Variants in MAP3K20 observed in about 807,000 individuals in gnomAD.
MAP3K20 encodes mitogen-activated protein kinase kinase kinase 20.
In MAP3K20, 40 loss-of-function variants were observed where a neutral mutation model predicts 85.7. That is an observed-to-expected ratio of 0.47 (90% CI 0.36 to 0.61). MAP3K20 has a LOEUF of 0.61. Among genes scored for constraint, MAP3K20 ranks in the 20% least tolerant of loss-of-function variants. The pLI, the probability that MAP3K20 is intolerant of heterozygous loss-of-function variation, is 0.00. For synonymous variants in MAP3K20, 325 were observed against 327.7 expected, an observed-to-expected ratio of 0.99 and a Z score of 0.09; for missense variants, 817 against 961.7, an observed-to-expected ratio of 0.85 and a Z score of 1.99.
At chr2:173,202,817 C>G (rs1370335492) in intron 8 of MAP3K20, among the ~76,000 whole-genome samples, 1 of 152,120 alleles carries the variant, frequency 6.6e-6, no homozygotes, top group African/African-American at 2.4e-5. Context: ...TGTCAGAAAT[C>G]ATGATAAAGT....
intron 2 of MAP3K20, among the ~76,000 whole-genome samples, chr2:173,127,251 C>G (rs548730197): frequency 2.0e-5 from 3 of 152,304 alleles, no homozygotes; most frequent in African/African-American, 7.2e-5. Flanking sequence ...CACTCCATTT[C>G]CTCTTCATTT....
chr2:173,220,180 A>G (rs919849901), intron 11 of MAP3K20, among the ~76,000 whole-genome samples: 1 of 152,206 alleles, frequency 6.6e-6, no homozygotes, highest in African/African-American at 2.4e-5. Context: ...AACTATGCCA[A>G]AAACATAAGC....
chr2:173,120,517 G>A (rs1003295029), intron 2 of MAP3K20, among the ~76,000 whole-genome samples: 2 of 151,378 alleles, frequency 1.3e-5, no homozygotes, highest in Admixed American at 1.3e-4. Context: ...ACCTAGAATA[G>A]CCAGTGGCAG....
At chr2:173,213,760 A>G (rs896292762) in intron 10 of MAP3K20, among the ~76,000 whole-genome samples, 1 of 152,222 alleles carries the variant, frequency 6.6e-6, no homozygotes. Context: ...TCTCATTAGC[A>G]TGCAATATTC....
intron 2 of MAP3K20, among the ~76,000 whole-genome samples, chr2:173,152,857 A>G (rs1263215631): frequency 6.6e-6 from 1 of 151,952 alleles, no homozygotes; most frequent in Non-Finnish European, 1.5e-5. Flanking sequence ...TCCCAAGAAT[A>G]TAGTGAAGGC....
chr2:173,234,500 C>T (rs552155938), intron 14 of MAP3K20, among the ~76,000 whole-genome samples: 3 of 152,268 alleles, frequency 2.0e-5, no homozygotes, highest in East Asian at 1.9e-4. Context: ...CAATTCATTA[C>T]CCGGACTTGG....
intron 16 of MAP3K20, among the ~76,000 whole-genome samples, chr2:173,252,325 T>C (rs993866693): frequency 1.3e-5 from 2 of 152,248 alleles, no homozygotes; most frequent in Non-Finnish European, 2.9e-5. Flanking sequence ...TGTAAGAGTT[T>C]CTGTTTTAGT....
Position 173,217,137 on chromosome 2 carries a change from G to T in MAP3K20, c.874G>T (p.Glu292Ter). ...EWRCEIEATL[E>*]RLKKLERDLS... ...CAGGTGCGAAATTGAGGCAACTCTT[G>T]AGAGGCTAAAGAAACTAGAGCGTGA... The change falls in exon 11 of 20, where the codon GAG (glutamate) becomes TAG (stop). Residue 292 changes from glutamate to a stop codon, truncating the protein, a stop_gained. Transcript: ENST00000375213. LOFTEE classifies it high-confidence loss of function. The T allele has an allele frequency of 6.3e-7, 1 of 1,582,228 alleles. No homozygotes were observed. The highest frequency in any genetic ancestry group is 8.6e-7 in the Non-Finnish European group (1 of 1,163,800).
At chr2:173,145,504 T>A (rs1445420007) in intron 2 of MAP3K20, among the ~76,000 whole-genome samples, 1 of 152,206 alleles carries the variant, frequency 6.6e-6, no homozygotes, top group African/African-American at 2.4e-5. Context: ...GAATAATCAA[T>A]AAGCATGTGT....
At chr2:173,094,668 T>C (rs1687408411) in intron 2 of MAP3K20, among the ~76,000 whole-genome samples, 1 of 152,300 alleles carries the variant, frequency 6.6e-6, no homozygotes, top group Non-Finnish European at 1.5e-5. Context: ...GTTTATGTGA[T>C]TTCCTCCCCA....
At chr2:173,138,785 GCCACTTATTTGATAACA>G (rs1248050711) in intron 2 of MAP3K20, among the ~76,000 whole-genome samples, 2 of 152,166 alleles carry the variant, frequency 1.3e-5, no homozygotes, top group Non-Finnish European at 2.9e-5. Flanking sequence ...CTGAATGATA[GCCACTTATTTGATAACA>G]CTTTAACATT....
chr2:173,091,269 A>G (rs1239376039), intron 2 of MAP3K20, 79 bp downstream of exon 2: 1 of 1,470,940 alleles, frequency 6.8e-7, no homozygotes, highest in East Asian at 2.3e-5. Context: ...AGAGGGTCAC[A>G]GGGCTGCAAG....
At chr2:173,206,731 G>A (rs1290694713) in intron 9 of MAP3K20, among the ~76,000 whole-genome samples, 5 of 152,280 alleles carry the variant, frequency 3.3e-5, no homozygotes, top group African/African-American at 1.2e-4. Flanking sequence ...TAAGGGTGTA[G>A]AGGTAATTGT....
chr2:173,237,798 A>G (rs1684689618), intron 14 of MAP3K20, among the ~76,000 whole-genome samples: 2 of 152,194 alleles, frequency 1.3e-5, no homozygotes. Flanking sequence ...GTACAACAGA[A>G]CATCCACTTC....
In MAP3K20 at chr2:173,196,485, G is replaced by A. The variant is rs548437843; in HGVS notation, c.583-1541G>A. Among the ~76,000 whole-genome samples, 3 of 152,308 alleles carry A rather than the reference G, an allele frequency of 2.0e-5. No individual in the cohort carries two copies. In the East Asian group the frequency reaches 5.8e-4, roughly 29 times the overall value. The stretch of plus-strand genomic sequence containing the variant: ...ATTATTCAGTAGCTCCTCTAAAGGA[G>A]TACCTTACACACTTGATTAAAAGCC... On this transcript the variant is annotated intron_variant, in intron 7 of 19. Transcript: ENST00000375213.
At chr2:173,166,457 C>A (rs1689825243) in intron 2 of MAP3K20, 1 of 151,548 alleles carries the variant, frequency 6.6e-6, no homozygotes, top group South Asian at 2.1e-4. Flanking sequence ...ATGTGTAGAT[C>A]TTTTATATAG....
intron 2 of MAP3K20, among the ~76,000 whole-genome samples, chr2:173,130,567 C>A (rs1688585600): frequency 6.6e-6 from 1 of 152,140 alleles, no homozygotes; most frequent in African/African-American, 2.4e-5. Flanking sequence ...AGATTGAAAT[C>A]TTTCCAGTTT....
intron 2 of MAP3K20, among the ~76,000 whole-genome samples, chr2:173,107,793 C>T (rs1042418120): frequency 6.6e-5 from 10 of 152,166 alleles, no homozygotes; most frequent in Admixed American, 5.2e-4. Flanking sequence ...GTGAGGACCA[C>T]ATGAGGTAAT....
At chr2:173,165,150 G>C (rs1316664919) in intron 2 of MAP3K20, among the ~76,000 whole-genome samples, 1 of 151,896 alleles carries the variant, frequency 6.6e-6, no homozygotes, top group Non-Finnish European at 1.5e-5. Flanking sequence ...TAGAGCCTGA[G>C]TTAAAATTGG....
Sources: allele counts gnomAD v4.1 joint callset (sites outside exome capture counted in the v4.1 genomes callset), GRCh38; gene constraint gnomAD v4.1.1; transcripts MANE v1.5; gene names NCBI Gene and HGNC (gene_info 2026-07-23, HGNC 2026-07-21).